The following RBM19 variants were observed in gnomAD, a reference collection of about 807,000 sequenced individuals.
RBM19 encodes probable RNA-binding protein 19.
Under a neutral mutation model 116.8 loss-of-function variants are expected in RBM19, and 94 were observed. The ratio of observed to expected loss-of-function variants is 0.80; its 90% confidence interval spans 0.68 to 0.95. The LOEUF is 0.95. Among genes scored for constraint, RBM19 ranks in the 40% least tolerant of loss-of-function variants. The pLI is 0.00. For synonymous variants in RBM19, 475 were observed against 494.1 expected (o/e 0.96, Z 0.51); for missense variants, 1,161 against 1,220.7 (o/e 0.95, Z 0.73).
At chr12:113,895,900 G>A (rs1881287944) in intron 21 of RBM19, among the ~76,000 whole-genome samples, 1 of 150,510 alleles carries the variant, frequency 6.6e-6, no homozygotes, top group Non-Finnish European at 1.5e-5. Flanking sequence ...TTATATATGT[G>A]TATATATAAA....
At chr12:113,947,936 C>T (rs866783868) in intron 10 of RBM19, among the ~76,000 whole-genome samples, 9 of 152,194 alleles carry the variant, frequency 5.9e-5, no homozygotes, top group Non-Finnish European at 1.2e-4. Flanking sequence ...TGCAATATAT[C>T]GACAAATGCT....
At chr12:113,918,599 T>C (rs1318299185) in intron 19 of RBM19, 152 bp from the exon 20 acceptor site, 3 of 742,322 alleles carry the variant, frequency 4.0e-6, no homozygotes, top group South Asian at 1.9e-5. Flanking sequence ...CAGAGGATGG[T>C]TTTTCCCTGA....
chr12:113,876,360 C>T (rs1009927241), intron 21 of RBM19, among the ~76,000 whole-genome samples: 1 of 152,184 alleles, frequency 6.6e-6, no homozygotes, highest in Non-Finnish European at 1.5e-5. Flanking sequence ...AGCCTCTCTC[C>T]TCCACTTGGC....
intron 2 of RBM19, among the ~76,000 whole-genome samples, chr12:113,961,087 A>T (rs186969305): frequency 1.3e-3 from 197 of 152,284 alleles, no homozygotes; most frequent in Non-Finnish European, 1.9e-3. Flanking sequence ...CAGTGGCATG[A>T]TCATAGCTCA....
intron 21 of RBM19, among the ~76,000 whole-genome samples, chr12:113,882,069 C>T (rs1362655915): frequency 6.6e-6 from 1 of 152,212 alleles, no homozygotes; most frequent in Admixed American, 6.5e-5. Flanking sequence ...GTCCTGGTGG[C>T]CCCTGTTCTC....
chr12:113,845,163 G>A (rs971374121), intron 22 of RBM19, among the ~76,000 whole-genome samples: 1 of 152,158 alleles, frequency 6.6e-6, no homozygotes, highest in African/African-American at 2.4e-5. Flanking sequence ...AGCCCTGGCC[G>A]GCTGCTGGAT....
chr12:113,844,519 G>T, intron 23 of RBM19, 149 bp downstream of exon 23: 1 of 1,117,608 alleles, frequency 8.9e-7, no homozygotes. Context: ...GGTCTGGAGG[G>T]GCTGTGGGAG....
chr12:113,818,228 A>AAG (rs1235919091), downstream of RBM19: 2 of 152,178 alleles, frequency 1.3e-5, no homozygotes, highest in Non-Finnish European at 2.9e-5. Context: ...AAAAAAAAAA[A>AAG]AAAAAAAAAG....
chr12:113,964,165 T>C (rs1872699976), intron 1 of RBM19, among the ~76,000 whole-genome samples: 1 of 152,230 alleles, frequency 6.6e-6, no homozygotes, highest in African/African-American at 2.4e-5. Context: ...CTACTAATTA[T>C]TTCCTCAATT....
At chr12:113,947,781 A>G (rs1189830517) in intron 10 of RBM19, among the ~76,000 whole-genome samples, 1 of 152,222 alleles carries the variant, frequency 6.6e-6, no homozygotes, top group African/African-American at 2.4e-5. Flanking sequence ...AGTGCCTGCT[A>G]GAGTTAGTGC....
intron 16 of RBM19, among the ~76,000 whole-genome samples, chr12:113,929,809 G>A (rs1286385669): frequency 1.3e-5 from 2 of 152,200 alleles, no homozygotes; most frequent in African/African-American, 4.8e-5. Flanking sequence ...ACAGAAAACA[G>A]GGGGCCCAAG....
intron 21 of RBM19, among the ~76,000 whole-genome samples, chr12:113,880,157 G>C (rs530403579): frequency 6.6e-6 from 1 of 151,552 alleles, no homozygotes; most frequent in South Asian, 2.1e-4. Flanking sequence ...GTACATCCAA[G>C]TACTGTATGG....
chr12:113,949,422 C>T (rs1192938527), intron 9 of RBM19, among the ~76,000 whole-genome samples: 1 of 152,342 alleles, frequency 6.6e-6, no homozygotes, highest in Non-Finnish European at 1.5e-5. Flanking sequence ...CGCATAGCCC[C>T]TGTGCCTGAT....
intron 5 of RBM19, 87 bp downstream of exon 5, chr12:113,959,125 G>A: frequency 3.4e-6 from 5 of 1,460,940 alleles, no homozygotes; most frequent in South Asian, 1.3e-5. Flanking sequence ...GACTCCTAGA[G>A]TCTGCACAGA....
intron 21 of RBM19, among the ~76,000 whole-genome samples, chr12:113,906,603 G>C (rs933905399): frequency 3.3e-5 from 5 of 152,110 alleles, no homozygotes; most frequent in African/African-American, 1.2e-4. Context: ...TTTTCTGCAC[G>C]CATGCTAGCT....
intron 22 of RBM19, among the ~76,000 whole-genome samples, chr12:113,847,006 C>G (rs1278181754): frequency 6.6e-6 from 1 of 152,202 alleles, no homozygotes; most frequent in Admixed American, 6.5e-5. Context: ...AGCCACTGTA[C>G]CCAGCCCATT....
chr12:113,917,081 T>C (rs1216874809), intron 20 of RBM19, among the ~76,000 whole-genome samples: 1 of 152,236 alleles, frequency 6.6e-6, no homozygotes, highest in African/African-American at 2.4e-5. Flanking sequence ...GGAACAGCAC[T>C]GCCCTAGGGT....
At chr12:113,837,246 T>TACACACACACACACACACACACACAC (rs34948952) in intron 23 of RBM19, among the ~76,000 whole-genome samples, 19 of 126,896 alleles carry the variant, frequency 1.5e-4, no homozygotes, top group African/African-American at 4.0e-4. Context: ...ATCCTCCTAA[T>TACACACACACACACACACACACACAC]ACACACACAC....
chr12:113,842,023 T>C (rs1876528722), intron 23 of RBM19, among the ~76,000 whole-genome samples: 2 of 152,312 alleles, frequency 1.3e-5, no homozygotes, highest in Admixed American at 6.5e-5. Context: ...GTCCATCTCA[T>C]AGAGCTGCTA....
Sources: allele counts gnomAD v4.1 joint callset (sites outside exome capture counted in the v4.1 genomes callset), GRCh38; gene constraint gnomAD v4.1.1; transcripts MANE v1.5; gene names NCBI Gene and HGNC (gene_info 2026-07-23, HGNC 2026-07-21).